Variants in PCDH15 observed in about 807,000 individuals in gnomAD.
PCDH15 encodes protocadherin-15.
In PCDH15, 129 loss-of-function variants were observed where a neutral mutation model predicts 178.5. The ratio of observed to expected loss-of-function variants is 0.72; its 90% confidence interval spans 0.63 to 0.84. PCDH15 has a LOEUF of 0.84. Among genes scored for constraint, PCDH15 ranks in the 40% least tolerant of loss-of-function variants. PCDH15 has a pLI of 0.00. For missense variants in PCDH15, 2,230 were observed against 2,099.9 expected (o/e 1.06, Z -1.21); for synonymous variants, 800 against 732.0 (o/e 1.09, Z -1.50).
intron 3 of PCDH15, among the ~76,000 whole-genome samples, chr10:54,430,444 A>C (rs1956830067): frequency 6.6e-6 from 1 of 152,208 alleles, no homozygotes; most frequent in Non-Finnish European, 1.5e-5. Flanking sequence ...ACATTCAAAA[A>C]AATTGAAATA....
chr10:54,684,711 A>C (rs2094961751), intron 1 of PCDH15, among the ~76,000 whole-genome samples: 1 of 152,138 alleles, frequency 6.6e-6, no homozygotes, highest in Admixed American at 6.5e-5. Context: ...GTGTATATTT[A>C]AATCAGATTT....
chr10:54,852,470 A>G (rs977767666), intron 3 of PCDH15, among the ~76,000 whole-genome samples: 1 of 152,184 alleles, frequency 6.6e-6, no homozygotes, highest in Non-Finnish European at 1.5e-5. Context: ...GTTATAGAAA[A>G]GGTTTCCCAG....
At chr10:54,551,154 C>CAA (rs57337778) in intron 2 of PCDH15, among the ~76,000 whole-genome samples, 12,645 of 52,118 alleles carry the variant, frequency 0.24, 2,149 homozygotes, top group Non-Finnish European at 0.31. Flanking sequence ...GACTCTGTCT[C>CAA]AAAAAAAAAA....
At chr10:53,809,935 G>A (rs575250056) in intron 37 of PCDH15, among the ~76,000 whole-genome samples, 27 of 152,124 alleles carry the variant, frequency 1.8e-4, no homozygotes, top group South Asian at 8.3e-4. Flanking sequence ...CAATAATCAC[G>A]AAAATATGAC....
intron 1 of PCDH15, among the ~76,000 whole-genome samples, chr10:54,776,406 T>A (rs1260170158): frequency 1.3e-5 from 2 of 151,818 alleles, no homozygotes; most frequent in Non-Finnish European, 2.9e-5. Flanking sequence ...GTTTATATAC[T>A]TTGCATGAGA....
chr10:54,940,649 G>A (rs1037045503), intron 2 of PCDH15, among the ~76,000 whole-genome samples: 17 of 151,934 alleles, frequency 1.1e-4, no homozygotes, highest in African/African-American at 3.6e-4. Context: ...TGCAGATATG[G>A]TTGCATTCTC....
chr10:55,320,266 A>G (rs534043308), upstream of PCDH15, among the ~76,000 whole-genome samples: 2 of 152,076 alleles, frequency 1.3e-5, no homozygotes, highest in Non-Finnish European at 2.9e-5. Context: ...CCACTTGGCC[A>G]TTGCTGGCAC....
At chr10:54,420,500 T>C (rs1180235793) in intron 3 of PCDH15, among the ~76,000 whole-genome samples, 1 of 152,098 alleles carries the variant, frequency 6.6e-6, no homozygotes, top group Admixed American at 6.6e-5. Context: ...ATATAAATGA[T>C]GAGATCTGAA....
At chr10:55,485,504 AT>A (rs1413236477) in intron 2 of PCDH15, among the ~76,000 whole-genome samples, 1 of 151,756 alleles carries the variant, frequency 6.6e-6, no homozygotes, top group Non-Finnish European at 1.5e-5. Flanking sequence ...AGACAAAAAA[AT>A]AACAAATATT....
At chr10:54,263,334 T>A (rs2384430) in intron 8 of PCDH15, among the ~76,000 whole-genome samples, 6 of 151,926 alleles carry the variant, frequency 3.9e-5, no homozygotes, top group Admixed American at 3.3e-4. Context: ...ACTAAAAGGG[T>A]CACCACCAAG....
At chr10:55,208,447 C>T (rs975727327) in intron 1 of PCDH15, among the ~76,000 whole-genome samples, 3 of 152,012 alleles carry the variant, frequency 2.0e-5, no homozygotes, top group African/African-American at 7.3e-5. Context: ...TTCACCTCCC[C>T]CCACATACTC....
chr10:54,570,605 G>C (rs958239691), intron 2 of PCDH15, among the ~76,000 whole-genome samples: 1 of 151,708 alleles, frequency 6.6e-6, no homozygotes, highest in East Asian at 1.9e-4. Flanking sequence ...AGTTGTGTTG[G>C]CATTCCTTAA....
At chr10:54,843,552 T>C (rs1272579291) in intron 3 of PCDH15, among the ~76,000 whole-genome samples, 2 of 152,142 alleles carry the variant, frequency 1.3e-5, no homozygotes, top group South Asian at 2.1e-4. Context: ...AATTGAAGAT[T>C]TTGCTTGTCG....
chr10:54,036,922 T>G (rs146730205), intron 18 of PCDH15, among the ~76,000 whole-genome samples: 226 of 152,038 alleles, frequency 1.5e-3, no homozygotes, highest in African/African-American at 5.2e-3. Flanking sequence ...TAATAGAAGC[T>G]TGGAAGAAGT....
rs190596348 is a variant in PCDH15 at position 54,147,166 on chromosome 10, C to G, written c.1784+5934G>C. On this transcript the variant is annotated intron_variant, in intron 14 of 37. Transcript: ENST00000644397. ...GGATTAACTCCTCTCCAGAAAATAGCAAATATGATTATCCTACAGTGAACA... is the reference window on the plus strand; with the variant it reads ...GGATTAACTCCTCTCCAGAAAATAGGAAATATGATTATCCTACAGTGAACA... Among the ~76,000 whole-genome samples, 1,170 of 151,350 alleles carry G rather than the reference C, an allele frequency of 7.7e-3. 15 individuals carry two copies. The highest frequency in any genetic ancestry group is 0.026 in the African/African-American group (1,091 of 41,398).
intron 2 of PCDH15, among the ~76,000 whole-genome samples, chr10:54,921,480 T>A (rs1837486257): frequency 6.6e-6 from 1 of 152,232 alleles, no homozygotes; most frequent in Admixed American, 6.5e-5. Context: ...CTCTCCCTCC[T>A]CCTTTCCTCC....
chr10:53,847,362 A>G (rs2078042146), intron 28 of PCDH15, among the ~76,000 whole-genome samples: 1 of 152,034 alleles, frequency 6.6e-6, no homozygotes, highest in Non-Finnish European at 1.5e-5. Context: ...AAGCTTAGCT[A>G]AATTAATCAA....
chr10:55,261,538 G>C (rs1363309175), intron 1 of PCDH15, among the ~76,000 whole-genome samples: 1 of 151,990 alleles, frequency 6.6e-6, no homozygotes, highest in Non-Finnish European at 1.5e-5. Context: ...TCTCCAGAAA[G>C]CCACCACTGA....
chr10:55,042,925 T>A lies in PCDH15; in HGVS notation c.-80+123651A>T, dbSNP rs566351198. On this transcript the variant is annotated intron_variant, in intron 2 of 5. Coordinates refer to the PCDH15 transcript ENST00000458638. ...ATTAAATGTGTGGTTGGTCTATATGTGTAAGCTAAAAATAATTTTACTTGT... is the reference window on the plus strand; with the variant it reads ...ATTAAATGTGTGGTTGGTCTATATGAGTAAGCTAAAAATAATTTTACTTGT... 2.6e-5 allele frequency among the ~76,000 whole-genome samples: 4 copies of A among 152,236 alleles called. No homozygotes were observed. In the East Asian group the frequency reaches 7.7e-4, roughly 29 times the overall value.
Sources: gnomAD v4.1 joint callset for allele counts (sites outside exome capture counted in the v4.1 genomes callset) on GRCh38, gnomAD v4.1.1 for gene constraint, MANE v1.5 for transcripts, NCBI Gene and HGNC (gene_info 2026-07-23, HGNC 2026-07-21) for gene names.